TRPM3: variants seen among roughly 807,000 people sequenced by gnomAD.
TRPM3 encodes transient receptor potential cation channel subfamily M member 3.
Under a neutral mutation model 181.2 loss-of-function variants are expected in TRPM3, and 77 were observed. The observed-to-expected ratio is 0.42, with a 90% CI of 0.35 to 0.51. The LOEUF is 0.51. Ranked by LOEUF, TRPM3 falls within the 20% of genes least tolerant of loss-of-function variation. The probability of loss-of-function intolerance (pLI) is 0.01; values close to 1 mark genes in which losing one functional copy is unlikely to be tolerated. For synonymous variants in TRPM3, 745 were observed against 796.4 expected (o/e 0.94, Z 1.09); for missense variants, 1,759 against 2,196.7 (o/e 0.80, Z 3.98).
At chr9:70,701,361 C>T (rs1406255982) in intron 8 of TRPM3, among the ~76,000 whole-genome samples, 1 of 152,146 alleles carries the variant, frequency 6.6e-6, no homozygotes, top group African/African-American at 2.4e-5. Flanking sequence ...AGTTTTCTGT[C>T]TCAATGGTGT....
At chr9:71,222,333 G>A (rs780246715) in intron 1 of TRPM3, among the ~76,000 whole-genome samples, 5 of 152,240 alleles carry the variant, frequency 3.3e-5, no homozygotes, top group Non-Finnish European at 5.9e-5. Context: ...ACAGAAGAGT[G>A]ATCATCACAG....
At chr9:70,539,415 T>G (rs2042664953) in intron 25 of TRPM3, among the ~76,000 whole-genome samples, 1 of 151,884 alleles carries the variant, frequency 6.6e-6, no homozygotes. Flanking sequence ...GCTTTTATCT[T>G]TCAGCTTCCC....
chr9:70,853,358 T>G (rs570372969), intron 3 of TRPM3, among the ~76,000 whole-genome samples: 5 of 152,238 alleles, frequency 3.3e-5, no homozygotes, highest in Non-Finnish European at 5.9e-5. Flanking sequence ...GTCAAAAATA[T>G]AGGCTCTGAT....
chr9:71,133,977 G>C (rs1237747350), intron 1 of TRPM3, among the ~76,000 whole-genome samples: 1 of 3,332 alleles, frequency 3.0e-4, no homozygotes, highest in East Asian at 8.1e-3. Flanking sequence ...GTGTGTTTGT[G>C]TGTGTGTGTG....
intron 1 of TRPM3, among the ~76,000 whole-genome samples, chr9:71,147,977 C>T (rs2075519538): frequency 6.6e-6 from 1 of 152,044 alleles, no homozygotes; most frequent in Non-Finnish European, 1.5e-5. Context: ...CACCAAGAAG[C>T]TCACCTTGAA....
At chr9:70,638,397 A>G (rs1485907609) in intron 11 of TRPM3, among the ~76,000 whole-genome samples, 1 of 152,146 alleles carries the variant, frequency 6.6e-6, no homozygotes, top group Admixed American at 6.5e-5. Context: ...ATGGGGAAAA[A>G]TTTCTGCTCT....
At chr9:71,013,522 T>C (rs2097762229) in intron 1 of TRPM3, among the ~76,000 whole-genome samples, 1 of 151,914 alleles carries the variant, frequency 6.6e-6, no homozygotes. Flanking sequence ...GATGATCAAG[T>C]CTCTGAAGGT....
chr9:71,130,524 G>A (rs547903980), intron 1 of TRPM3, among the ~76,000 whole-genome samples: 7 of 152,252 alleles, frequency 4.6e-5, no homozygotes, highest in African/African-American at 1.4e-4. Flanking sequence ...AATGTTCAGA[G>A]TATTTAGGGA....
rs541949184 is a variant in TRPM3 at position 70,560,673 on chromosome 9, A to G, written c.3224-7363T>C. Among the ~76,000 whole-genome samples the G allele has an allele frequency of 9.8e-5, 15 of 152,310 alleles. No individual in the cohort carries two copies. In the East Asian group the frequency reaches 2.9e-3, roughly 29 times the overall value. The stretch of plus-strand genomic sequence containing the variant: ...TGAAGAAGGAGCCAACGTGGGATTG[A>G]GAGGAATCTCTCAATTATGAACAAA... On this transcript the variant is annotated intron_variant, in intron 22 of 25. Transcript: ENST00000677713.
At chr9:71,284,206 C>T (rs1217332411) in intron 1 of TRPM3, among the ~76,000 whole-genome samples, 1 of 152,138 alleles carries the variant, frequency 6.6e-6, no homozygotes, top group Non-Finnish European at 1.5e-5. Context: ...TAAAAGCAAA[C>T]CTAAAAGCTA....
intron 1 of TRPM3, among the ~76,000 whole-genome samples, chr9:71,134,479 G>A (rs1270970361): frequency 3.3e-5 from 5 of 150,656 alleles, no homozygotes; most frequent in East Asian, 2.0e-4. Flanking sequence ...TTGAACCCAC[G>A]AGGCAGAGGT....
In TRPM3 at chr9:70,531,545, T is replaced by G. The variant is rs908768933; in HGVS notation, c.*4408A>C. Reference sequence around the variant, plus strand: ...TTACTTCATTTCAGTCACATTGTTATTGTTCAAGGATAGTGAGTTATAATG... The same window carrying G: ...TTACTTCATTTCAGTCACATTGTTAGTGTTCAAGGATAGTGAGTTATAATG... On this transcript the variant is annotated 3_prime_UTR_variant, in exon 26 of 26. Transcript: ENST00000677713. 1 of 152,230 alleles carries G rather than the reference T, an allele frequency of 6.6e-6. No homozygotes were observed. The highest frequency in any genetic ancestry group is 2.4e-5 in the African/African-American group (1 of 41,464). 9.4% of individuals were successfully genotyped at this position (152,230 alleles called of 1,614,324 possible).
intron 1 of TRPM3, among the ~76,000 whole-genome samples, chr9:71,345,384 T>C (rs2091231029): frequency 6.6e-6 from 1 of 152,094 alleles, no homozygotes. Context: ...ATGTGGCACA[T>C]ATACATCATG....
chr9:70,547,974 G>T, intron 25 of TRPM3, among the ~76,000 whole-genome samples: 1 of 152,288 alleles, frequency 6.6e-6, no homozygotes, highest in Admixed American at 6.5e-5. Flanking sequence ...GCACCTCTTC[G>T]TTCTAGTTCC....
At chr9:70,855,110 C>G (rs927249045) in intron 3 of TRPM3, among the ~76,000 whole-genome samples, 1 of 152,166 alleles carries the variant, frequency 6.6e-6, no homozygotes, top group African/African-American at 2.4e-5. Flanking sequence ...TAAAGCCTCT[C>G]TGACTGCTTT....
chr9:71,251,884 T>A, intron 1 of TRPM3, among the ~76,000 whole-genome samples: 1 of 152,160 alleles, frequency 6.6e-6, no homozygotes, highest in East Asian at 1.9e-4. Context: ...CTGGTAACCA[T>A]CCTTCTACTC....
intron 1 of TRPM3, among the ~76,000 whole-genome samples, chr9:70,938,771 C>T (rs959711676): frequency 4.6e-5 from 7 of 151,572 alleles, no homozygotes; most frequent in Admixed American, 3.3e-4. Context: ...GCTAACACAG[C>T]GAAACCCCGT....
intron 8 of TRPM3, among the ~76,000 whole-genome samples, chr9:70,738,404 A>T (rs892157082): frequency 5.3e-5 from 8 of 152,142 alleles, no homozygotes; most frequent in Admixed American, 2.6e-4. Flanking sequence ...ATAATAATAA[A>T]AAAAAATCAA....
chr9:71,096,590 A>ACTCTCTCTCTCTCTCTCT lies in TRPM3; in HGVS notation c.177+24570_177+24587dup, dbSNP rs71367255. Among the ~76,000 whole-genome samples, 116 of 90,038 alleles carry ACTCTCTCTCTCTCTCTCT rather than the reference A, an allele frequency of 1.3e-3. 1 individual carries two copies. Among genetic ancestry groups the ACTCTCTCTCTCTCTCTCT allele is most frequent in the African/African-American group, 5.7e-3 (110 of 19,424 alleles). 59.1% of individuals were successfully genotyped at this position (90,038 alleles called of 152,430 possible). A position where few individuals can be genotyped will look rare whatever the true frequency, so the allele number is the denominator to read the frequency against. On this transcript the variant is annotated intron_variant, in intron 1 of 25. Transcript: ENST00000677713. ...CACACACACACACACACACACACACACTCTCTCTCTCTCTCTCTCTCTCTC... is the reference window on the plus strand; with the variant it reads ...CACACACACACACACACACACACACACTCTCTCTCTCTCTCTCTCTCTCTCTCTCTCTCTCTCTCTCTC...
Sources: allele counts gnomAD v4.1 joint callset (sites outside exome capture counted in the v4.1 genomes callset), GRCh38; gene constraint gnomAD v4.1.1; transcripts MANE v1.5; gene names NCBI Gene and HGNC (gene_info 2026-07-23, HGNC 2026-07-21).